PTPN21: variants seen among roughly 807,000 people sequenced by gnomAD.
PTPN21 encodes the protein protein tyrosine phosphatase non-receptor type 21, also known as tyrosine-protein phosphatase non-receptor type 21.
PTPN21 carries 77 observed loss-of-function variants against 131.8 expected under a neutral mutation model. The observed-to-expected ratio is 0.58, with a 90% CI of 0.49 to 0.71. The LOEUF is 0.71. Ranked by LOEUF, PTPN21 falls within the 30% of genes least tolerant of loss-of-function variation. The probability of loss-of-function intolerance (pLI) is 0.00; values close to 1 mark genes in which losing one functional copy is unlikely to be tolerated. For missense variants in PTPN21, 1,552 were observed against 1,527.1 expected (o/e 1.02, Z -0.27); for synonymous variants, 715 against 621.3 (o/e 1.15, Z -2.24).
intron 8 of PTPN21, among the ~76,000 whole-genome samples, chr14:88,498,655 T>C (rs1210573754): frequency 6.6e-6 from 1 of 152,148 alleles, no homozygotes; most frequent in Admixed American, 6.5e-5. Context: ...AACTTTTAAG[T>C]GCTGCAGGTA....
At chr14:88,537,634 T>C (rs1030922309) in intron 2 of PTPN21, among the ~76,000 whole-genome samples, 16 of 152,162 alleles carry the variant, frequency 1.1e-4, no homozygotes, top group Non-Finnish European at 1.3e-4. Context: ...ATAAGTGCTA[T>C]GGAGAAAGAT....
chr14:88,473,428 G>A (rs2077500345), intron 14 of PTPN21, among the ~76,000 whole-genome samples: 1 of 152,062 alleles, frequency 6.6e-6, no homozygotes. Context: ...CCAGGAGAAG[G>A]TAAAAAAGAA....
chr14:88,478,120 G>A (rs2077574757), intron 13 of PTPN21, among the ~76,000 whole-genome samples: 2 of 152,182 alleles, frequency 1.3e-5, no homozygotes, highest in South Asian at 4.1e-4. Context: ...TAGGCTTACT[G>A]TAAATAGGCC....
chr14:88,512,612 C>T (rs1207432907), intron 3 of PTPN21: 1 of 152,224 alleles, frequency 6.6e-6, no homozygotes, highest in Non-Finnish European at 1.5e-5. Context: ...TAGAGCAGCA[C>T]TGTCTAACAG....
At chr14:88,468,541 T>C (rs1187900015) in intron 18 of PTPN21, among the ~76,000 whole-genome samples, 2 of 152,216 alleles carry the variant, frequency 1.3e-5, no homozygotes, top group African/African-American at 4.8e-5. Context: ...TCTCACTAAA[T>C]ACCAAAATTA....
At chr14:88,497,606 A>G (rs2077941142) in intron 8 of PTPN21, among the ~76,000 whole-genome samples, 1 of 151,762 alleles carries the variant, frequency 6.6e-6, no homozygotes, top group Non-Finnish European at 1.5e-5. Context: ...CGTCTCTACT[A>G]AAAATACAAA....
intron 4 of PTPN21, among the ~76,000 whole-genome samples, chr14:88,506,401 A>C (rs1195406488): frequency 1.3e-5 from 2 of 152,138 alleles, no homozygotes; most frequent in African/African-American, 4.8e-5. Context: ...AAAATGAAAA[A>C]AATAAACAAT....
chr14:88,543,310 T>C (rs2078731992), intron 2 of PTPN21, among the ~76,000 whole-genome samples: 1 of 152,146 alleles, frequency 6.6e-6, no homozygotes, highest in South Asian at 2.1e-4. Flanking sequence ...TGACACTCCC[T>C]TGACACAGCA....
intron 10 of PTPN21, among the ~76,000 whole-genome samples, chr14:88,495,099 T>G (rs531929872): frequency 4.1e-5 from 6 of 145,414 alleles, no homozygotes; most frequent in African/African-American, 1.5e-4. Context: ...GGCTGACATA[T>G]GGAAAATAAG....
At chr14:88,539,604 T>G (rs1429753396) in intron 2 of PTPN21, among the ~76,000 whole-genome samples, 1 of 152,150 alleles carries the variant, frequency 6.6e-6, no homozygotes, top group Non-Finnish European at 1.5e-5. Context: ...TTGGATTGCT[T>G]TTCTTTTAGG....
rs2078072129 is a variant in PTPN21, at chr14:88,505,406, T to C, written c.449-35A>G. The C allele has an allele frequency of 2.7e-6, 4 of 1,462,262 alleles. No homozygotes were observed. In the East Asian group the frequency reaches 9.1e-5, roughly 33 times the overall value. The allele number at this position is 1,462,262 out of a possible 1,614,324, so 90.6% of individuals were successfully genotyped here. ...ATGACAAACATTCACGTTAATTATATTTAAATTTCATTGCAAAATATGCAC... is the reference window on the plus strand; with the variant it reads ...ATGACAAACATTCACGTTAATTATACTTAAATTTCATTGCAAAATATGCAC... On this transcript the variant is annotated intron_variant, in intron 4 of 18. Coordinates refer to ENST00000556564, the MANE Select transcript of PTPN21 (RefSeq NM_007039.4).
intron 2 of PTPN21, among the ~76,000 whole-genome samples, chr14:88,526,241 G>A (rs1457442792): frequency 1.3e-5 from 2 of 152,080 alleles, no homozygotes; most frequent in Non-Finnish European, 2.9e-5. Flanking sequence ...ATGCCAATGA[G>A]TTGTTTACTT....
At chr14:88,499,016 C>A (rs2077967211) in intron 8 of PTPN21, among the ~76,000 whole-genome samples, 1 of 152,098 alleles carries the variant, frequency 6.6e-6, no homozygotes, top group Non-Finnish European at 1.5e-5. Context: ...AATTCCTATC[C>A]AGTGATAAAG....
At chr14:88,486,067 C>A in intron 10 of PTPN21, among the ~76,000 whole-genome samples, 1 of 141,746 alleles carries the variant, frequency 7.1e-6, no homozygotes, top group Non-Finnish European at 1.5e-5. Context: ...GTTTCAGGCT[C>A]CCCACACAGC....
At chr14:88,543,728 T>C (rs1329609620) in intron 2 of PTPN21, among the ~76,000 whole-genome samples, 1 of 152,176 alleles carries the variant, frequency 6.6e-6, no homozygotes, top group Admixed American at 6.5e-5. Flanking sequence ...TAAAGATCTA[T>C]GATAAACCAA....
intron 2 of PTPN21, among the ~76,000 whole-genome samples, chr14:88,546,645 C>T (rs567171277): frequency 5.3e-5 from 8 of 151,726 alleles, no homozygotes; most frequent in Non-Finnish European, 1.2e-4. Flanking sequence ...AGGGACTTTT[C>T]CCTCCATTTA....
intron 2 of PTPN21, among the ~76,000 whole-genome samples, chr14:88,542,761 C>A (rs1595417574): frequency 6.6e-6 from 1 of 152,130 alleles, no homozygotes; most frequent in Admixed American, 6.5e-5. Context: ...CAAGAAAAAT[C>A]CCTGATCATT....
chr14:88,479,548 C>A lies in PTPN21; in HGVS notation c.1883G>T (p.Arg628Leu). 6.3e-7 allele frequency: 1 copy of A among 1,599,212 alleles called. No homozygotes were observed. Among genetic ancestry groups the A allele is most frequent in the South Asian group, 1.1e-5 (1 of 90,976 alleles). ...GTTCCGTTTGTGCAGCTGCGCGTGG[C>A]GCGCGGCGGTGAGGGGCTCGCTGAC... ...QEVSEPLTAARHAQLHKRNSI... is the reference protein window; with the variant it reads ...QEVSEPLTAALHAQLHKRNSI... Residue 628 changes from arginine to leucine, a missense_variant, in exon 13 of 19, where the codon CGC becomes CTC. By Grantham distance (102) the Arg-to-Leu change is moderately radical. Around this residue, in one of 4 missense-constraint regions of PTPN21, gnomAD observed 1,016 missense variants for 883.5 expected, o/e 1.15. Coordinates refer to ENST00000556564, the MANE Select transcript of PTPN21 (RefSeq NM_007039.4).
At chr14:88,494,912 C>T (rs1360953300) in intron 10 of PTPN21, among the ~76,000 whole-genome samples, 1 of 144,190 alleles carries the variant, frequency 6.9e-6, no homozygotes, top group African/African-American at 2.5e-5. Flanking sequence ...ACTCAAGAGG[C>T]TGAGGCAGGA....
Sources: allele counts gnomAD v4.1 joint callset (sites outside exome capture counted in the v4.1 genomes callset), GRCh38; gene constraint gnomAD v4.1.1; regional missense constraint gnomAD v4.1.1; transcripts MANE v1.5; gene names NCBI Gene and HGNC (gene_info 2026-07-23, HGNC 2026-07-21).